The following C15orf62 variants were observed in gnomAD, a reference collection of about 807,000 sequenced individuals.
C15orf62 encodes the protein chromosome 15 open reading frame 62.
A neutral mutation model predicts 13.2 loss-of-function variants in C15orf62; 11 were observed. The ratio of observed to expected loss-of-function variants is 0.83; its 90% CI spans 0.52 to 1.38. The LOEUF is 1.38. Ranked by LOEUF, C15orf62 falls within the 40% of genes most tolerant of loss-of-function variation. The pLI is 0.00. For synonymous variants in C15orf62, 88 were observed against 95.6 expected (o/e 0.92, Z 0.46); for missense variants, 204 against 229.1 (o/e 0.89, Z 0.71).
At position 40,770,733 on chromosome 15, in the gene C15orf62, C is replaced by A; in HGVS notation, c.238C>A (p.Pro80Thr). The change falls in exon 1 of 1, where the codon CCC becomes ACC. Residue 80 changes from proline (P) to threonine (T), a missense_variant. Coordinates refer to ENST00000344320, the MANE Select transcript of C15orf62 (RefSeq NM_001130448.3). This position sits in a 1 kb window ranked among gnomAD's most constrained non-coding sequence, Gnocchi z 5.0. ...EQPRATLLAP[P>T]KPPRLYRESS... is the part of the protein sequence containing the mutation. ...GCCCCGGGCCACCCTGCTGGCCCCA[C>A]CCAAGCCCCCACGCCTCTACCGAGA... is the stretch of plus-strand genomic sequence containing the variant. 1 of 1,545,604 alleles carries A rather than the reference C, an allele frequency of 6.5e-7. No individual in the cohort carries two copies. The highest frequency in any genetic ancestry group is 2.4e-5 in the East Asian group (1 of 40,920).
In C15orf62 at chr15:40,770,451, C is replaced by T. The variant is rs916825958; in HGVS notation, c.-45C>T. 10 of 1,512,272 alleles carry T rather than the reference C, an allele frequency of 6.6e-6. No individual in the cohort carries two copies. Among genetic ancestry groups the T allele is most frequent in the East Asian group, 2.5e-5 (1 of 40,764 alleles). The allele number at this position is 1,512,272 out of a possible 1,614,324, so 93.7% of individuals were successfully genotyped here. ...ACTGCCCCAGCAGGGACCACATGCA[C>T]CCTGGCTGCTCCTGAACACCTGTCT... On this transcript the variant is annotated 5_prime_UTR_variant, in exon 1 of 1. Coordinates refer to ENST00000344320, the MANE Select transcript of C15orf62 (RefSeq NM_001130448.3). This position sits in a 1 kb window ranked among gnomAD's most constrained non-coding sequence, Gnocchi z 5.0.
Position 40,770,330 on chromosome 15 carries a change from C to A in C15orf62, c.-166C>A, listed in dbSNP as rs542934983. 3.4e-5 allele frequency: 23 copies of A among 679,148 alleles called. No homozygotes were observed. The South Asian group carries it at 4.4e-4, about 13-fold the overall frequency. 42.1% of individuals were successfully genotyped at this position (679,148 alleles called of 1,614,324 possible). A position where few individuals can be genotyped will look rare whatever the true frequency, so the allele number is the denominator to read the frequency against. On this transcript the variant is annotated 5_prime_UTR_variant, in exon 1 of 1. Transcript: ENST00000344320. The surrounding 1 kb of genome is among the most constrained non-coding windows in gnomAD (Gnocchi z 5.0). ...GCAAAAAAGTTCCTTCTTCCTGAGC[C>A]CTCCTCTCACCATCCAAGATGTGGT...
chr15:40,772,115 G>A lies in C15orf62; in HGVS notation c.*1092G>A, dbSNP rs1376337597. 1 of 167,032 alleles carries A rather than the reference G, an allele frequency of 6.0e-6. No homozygotes were observed. The highest frequency in any genetic ancestry group is 1.5e-5 in the Non-Finnish European group (1 of 68,140). 10.3% of individuals were successfully genotyped at this position (167,032 alleles called of 1,614,324 possible). The stretch of plus-strand genomic sequence containing the variant: ...ATTCAACAGCGAAGCGGCACAGCTG[G>A]TTTCCAGAACCGTCTCCCGGGATTA... On this transcript the variant is annotated 3_prime_UTR_variant, in exon 1 of 1. Transcript: ENST00000344320.
rs995852064 is a variant in C15orf62, at chr15:40,770,702, C to G, written c.207C>G (p.Asp69Glu). 25 of 1,547,264 alleles carry G rather than the reference C, an allele frequency of 1.6e-5. No homozygotes were observed. The African/African-American group carries it at 3.1e-4, about 19-fold the overall frequency. ...PDGRRLPLWG[D>E]EQPRATLLAP... ...GCCGGCGCCTGCCACTGTGGGGGGA[C>G]GAGCAGCCCCGGGCCACCCTGCTGG... The change falls in exon 1 of 1, where the codon GAC (aspartate) becomes GAG (glutamate). Residue 69 changes from aspartate (D) to glutamate (E), a missense_variant. Coordinates refer to ENST00000344320, the MANE Select transcript of C15orf62 (RefSeq NM_001130448.3). The surrounding 1 kb of genome is among the most constrained non-coding windows in gnomAD (Gnocchi z 5.0).
At position 40,770,529 on chromosome 15, in the gene C15orf62, G is replaced by A. The variant is rs935357066; in HGVS notation, c.34G>A (p.Ala12Thr). The change falls in exon 1 of 1, where the codon GCC becomes ACC. Residue 12 changes from alanine (A) to threonine (T), a missense_variant. Transcript: ENST00000344320. The surrounding 1 kb of genome is among the most constrained non-coding windows in gnomAD (Gnocchi z 5.0). ...CTGGCGGAAAGGCTCCTTCCGCAAC[G>A]CCTCCTTCTTCAAGCAGCTGAGCCT... ...ETWRKGSFRN[A>T]SFFKQLSLGR... 52 of 1,550,328 alleles carry A rather than the reference G, an allele frequency of 3.4e-5. No individual in the cohort carries two copies. Among genetic ancestry groups the A allele is most frequent in the African/African-American group, 9.6e-5 (7 of 73,026 alleles).
Position 40,770,632 on chromosome 15 carries a change from ACAGCAACCGAGAAGT to A in C15orf62, c.140_154del (p.Ser47_Val51del). On this transcript the variant is annotated inframe_deletion, in exon 1 of 1. Transcript: ENST00000344320. The surrounding 1 kb of genome is among the most constrained non-coding windows in gnomAD (Gnocchi z 5.0). ...ACAGCAGGTGGGGACCACGAGGAGT[ACAGCAACCGAGAAGT>A]CATCCGGGAGCTACAAGGGAGGCCA... 3 of 1,550,468 alleles carry A rather than the reference ACAGCAACCGAGAAGT, an allele frequency of 1.9e-6. No individual in the cohort carries two copies. The highest frequency in any genetic ancestry group is 2.6e-6 in the Non-Finnish European group (3 of 1,146,956).
At position 40,771,176 on chromosome 15, in the gene C15orf62, G is replaced by C; in HGVS notation, c.*153G>C. The C allele has an allele frequency of 1.4e-6, 1 of 735,932 alleles. No homozygotes were observed. The highest frequency in any genetic ancestry group is 2.7e-5 in the East Asian group (1 of 37,102). The allele number at this position is 735,932 out of a possible 1,614,324, so 45.6% of individuals were successfully genotyped here. ...GGGAGGATTCCAGGATAGGAATCCA[G>C]GGCTCTGCCTGCTCTCTGGGTCCTG... On this transcript the variant is annotated 3_prime_UTR_variant, in exon 1 of 1. Transcript: ENST00000344320.
Position 40,771,025 on chromosome 15 carries a change from T to A in C15orf62, c.*2T>A. ...TTTCCTAGCGAGCCCAGCTTCTAAA[T>A]GGGGTGAGGGTGGGCAAAGCCGGGG... On this transcript the variant is annotated 3_prime_UTR_variant, in exon 1 of 1. Coordinates refer to ENST00000344320, the MANE Select transcript of C15orf62 (RefSeq NM_001130448.3). 1 of 1,550,144 alleles carries A rather than the reference T, an allele frequency of 6.5e-7. No homozygotes were observed. Among genetic ancestry groups the A allele is most frequent in the Non-Finnish European group, 8.7e-7 (1 of 1,146,632 alleles).
Position 40,771,255 on chromosome 15 carries a change from TG to T in C15orf62, c.*239del, listed in dbSNP as rs1000210800. On this transcript the variant is annotated 3_prime_UTR_variant, in exon 1 of 1. Transcript: ENST00000344320. ...AGGGACAGAGGCAATCTGGAAATGT[TG>T]GGGGGGCGGCCCTTCCTGGCAGGAC... 3.5e-4 allele frequency: 198 copies of T among 563,410 alleles called. No homozygotes were observed. Among genetic ancestry groups the T allele is most frequent in the East Asian group, 1.5e-3 (48 of 32,882 alleles). 34.9% of individuals were successfully genotyped at this position (563,410 alleles called of 1,614,324 possible).
rs997920219 is a variant in C15orf62 at position 40,771,842 on chromosome 15, T to G, written c.*819T>G. 2 of 166,784 alleles carry G rather than the reference T, an allele frequency of 1.2e-5. No individual in the cohort carries two copies. Among genetic ancestry groups the G allele is most frequent in the African/African-American group, 4.8e-5 (2 of 41,284 alleles). The allele number at this position is 166,784 out of a possible 1,614,324, so 10.3% of individuals were successfully genotyped here. A position where few individuals can be genotyped will look rare whatever the true frequency, so the allele number is the denominator to read the frequency against. Reference sequence around the variant, plus strand: ...GGCTGGCCACATAGGAAGAGATAGGTAGAGATAGAGTATAACTCAGGAAAA... The same window carrying G: ...GGCTGGCCACATAGGAAGAGATAGGGAGAGATAGAGTATAACTCAGGAAAA... On this transcript the variant is annotated 3_prime_UTR_variant, in exon 1 of 1. Coordinates refer to ENST00000344320, the MANE Select transcript of C15orf62 (RefSeq NM_001130448.3).
At position 40,770,379 on chromosome 15, in the gene C15orf62, C is replaced by A. The variant is rs532860359; in HGVS notation, c.-117C>A. The A allele has an allele frequency of 4.0e-6, 4 of 1,002,312 alleles. No individual in the cohort carries two copies. The highest frequency in any genetic ancestry group is 1.6e-5 in the African/African-American group (1 of 61,316). The allele number at this position is 1,002,312 out of a possible 1,614,324, so 62.1% of individuals were successfully genotyped here. A position where few individuals can be genotyped will look rare whatever the true frequency, so the allele number is the denominator to read the frequency against. On this transcript the variant is annotated 5_prime_UTR_variant, in exon 1 of 1. Transcript: ENST00000344320. This position sits in a 1 kb window ranked among gnomAD's most constrained non-coding sequence, Gnocchi z 5.0. ...GTCAAAGGTCTGTGCTGAGTGGAAA[C>A]CCTGAGGCCTCTGCTCCTAGGGGAG...
rs781217315 is a variant in C15orf62 at position 40,770,574 on chromosome 15, C to A, written c.79C>A (p.Arg27=). ...GAGCCTGGGGCGGCCACGGCGGCTC[C>A]GGCGACAGAGTAGTGTGCTTAGCCA... The part of the protein sequence containing the change: ...QLSLGRPRRL[R]RQSSVLSQAS... Residue 27 remains arginine (R), a synonymous_variant, in exon 1 of 1, where the codon CGG becomes AGG. Coordinates refer to ENST00000344320, the MANE Select transcript of C15orf62 (RefSeq NM_001130448.3). The surrounding 1 kb of genome is among the most constrained non-coding windows in gnomAD (Gnocchi z 5.0). 6.4e-7 allele frequency: 1 copy of A among 1,550,638 alleles called. No individual in the cohort carries two copies. The highest frequency in any genetic ancestry group is 8.7e-7 in the Non-Finnish European group (1 of 1,146,970).
At position 40,770,780 on chromosome 15, in the gene C15orf62, C is replaced by T; in HGVS notation, c.285C>T (p.Ile95=). The change falls in exon 1 of 1, where the codon ATC becomes ATT. Residue 95 remains isoleucine (I), a synonymous_variant. Coordinates refer to ENST00000344320, the MANE Select transcript of C15orf62 (RefSeq NM_001130448.3). The surrounding 1 kb of genome is among the most constrained non-coding windows in gnomAD (Gnocchi z 5.0). ...LYRESSSCPN[I]LEPPPAYTAA... ...GAGAGAGCTCAAGCTGCCCCAACATCCTGGAGCCCCCACCTGCCTACACAG... is the reference window on the plus strand; with the variant it reads ...GAGAGAGCTCAAGCTGCCCCAACATTCTGGAGCCCCCACCTGCCTACACAG... 2.6e-6 allele frequency: 4 copies of T among 1,547,716 alleles called. No homozygotes were observed. Among genetic ancestry groups the T allele is most frequent in the Non-Finnish European group, 3.5e-6 (4 of 1,146,952 alleles).
rs777934673 is a variant in C15orf62 at position 40,770,889 on chromosome 15, C to T, written c.394C>T (p.Pro132Ser). 5.2e-6 allele frequency: 8 copies of T among 1,551,562 alleles called. No individual in the cohort carries two copies. In the South Asian group the frequency reaches 8.3e-5, roughly 16 times the overall value. Residue 132 changes from proline to serine, a missense_variant, in exon 1 of 1, where the codon CCC becomes TCC. Transcript: ENST00000344320. This position sits in a 1 kb window ranked among gnomAD's most constrained non-coding sequence, Gnocchi z 5.0. ...CTCAGAGAAGGGCCTTGTGGACACT[C>T]CCTGCTTCCAGAGGACACCTACCCC... ...QHSEKGLVDT[P>S]CFQRTPTPDL...
chr15:40,771,803 G>A lies in C15orf62; in HGVS notation c.*780G>A, dbSNP rs887919181. ...ATGGCCTGGAGCCACCAGCAAAGGG[G>A]AGGCGCATACAGGGGCTGGCCACAT... On this transcript the variant is annotated 3_prime_UTR_variant, in exon 1 of 1. Coordinates refer to ENST00000344320, the MANE Select transcript of C15orf62 (RefSeq NM_001130448.3). 1.2e-5 allele frequency: 2 copies of A among 167,220 alleles called. No homozygotes were observed. Among genetic ancestry groups the A allele is most frequent in the Non-Finnish European group, 1.5e-5 (1 of 68,304 alleles). The allele number at this position is 167,220 out of a possible 1,614,324, so 10.4% of individuals were successfully genotyped here.
At position 40,770,458 on chromosome 15, in the gene C15orf62, T is replaced by A; in HGVS notation, c.-38T>A. The A allele has an allele frequency of 1.3e-6, 2 of 1,519,578 alleles. No individual in the cohort carries two copies. The highest frequency in any genetic ancestry group is 1.8e-6 in the Non-Finnish European group (2 of 1,133,108). 94.1% of individuals were successfully genotyped at this position (1,519,578 alleles called of 1,614,324 possible). ...CAGCAGGGACCACATGCACCCTGGCTGCTCCTGAACACCTGTCTGCTGGCT... is the reference window on the plus strand; with the variant it reads ...CAGCAGGGACCACATGCACCCTGGCAGCTCCTGAACACCTGTCTGCTGGCT... On this transcript the variant is annotated 5_prime_UTR_variant, in exon 1 of 1. Coordinates refer to ENST00000344320, the MANE Select transcript of C15orf62 (RefSeq NM_001130448.3). This position sits in a 1 kb window ranked among gnomAD's most constrained non-coding sequence, Gnocchi z 5.0.
chr15:40,770,911 C>T lies in C15orf62; in HGVS notation c.416C>T (p.Thr139Ile). The T allele has an allele frequency of 6.4e-7, 1 of 1,551,548 alleles. No homozygotes were observed. Among genetic ancestry groups the T allele is most frequent in the Non-Finnish European group, 8.7e-7 (1 of 1,147,000 alleles). Residue 139 changes from threonine (T) to isoleucine (I), a missense_variant, in exon 1 of 1, where the codon ACC becomes ATC. Physicochemically the swap from Thr to Ile is moderately conservative, Grantham distance 89. Coordinates refer to ENST00000344320, the MANE Select transcript of C15orf62 (RefSeq NM_001130448.3). This position sits in a 1 kb window ranked among gnomAD's most constrained non-coding sequence, Gnocchi z 5.0. ...ACTCCCTGCTTCCAGAGGACACCTA[C>T]CCCAGACCTCAGTGATCCCTTCCTC... ...VDTPCFQRTP[T>I]PDLSDPFLSF...
rs1461985830 is a variant in C15orf62 at position 40,771,305 on chromosome 15, G to C, written c.*282G>C. 2 of 452,836 alleles carry C rather than the reference G, an allele frequency of 4.4e-6. No individual in the cohort carries two copies. The highest frequency in any genetic ancestry group is 3.9e-5 in the Admixed American group (1 of 25,598). The allele number at this position is 452,836 out of a possible 1,614,324, so 28.1% of individuals were successfully genotyped here. A position where few individuals can be genotyped will look rare whatever the true frequency, so the allele number is the denominator to read the frequency against. On this transcript the variant is annotated 3_prime_UTR_variant, in exon 1 of 1. Coordinates refer to ENST00000344320, the MANE Select transcript of C15orf62 (RefSeq NM_001130448.3). ...ACCCTGAAGAAAGCTGGCTATGCCG[G>C]GAAAGGGAGGCTGTGCCGGGAAAGG...
At position 40,770,316 on chromosome 15, in the gene C15orf62, C is replaced by A; in HGVS notation, c.-180C>A. On this transcript the variant is annotated 5_prime_UTR_variant, in exon 1 of 1. Transcript: ENST00000344320. The surrounding 1 kb of genome is among the most constrained non-coding windows in gnomAD (Gnocchi z 5.0). ...GTCTGCTCTCCTGGGCAAAAAAGTT[C>A]CTTCTTCCTGAGCCCTCCTCTCACC... The A allele has an allele frequency of 1.6e-6, 1 of 635,316 alleles. No homozygotes were observed. Among genetic ancestry groups the A allele is most frequent in the Non-Finnish European group, 2.7e-6 (1 of 374,962 alleles). The allele number at this position is 635,316 out of a possible 1,614,324, so 39.4% of individuals were successfully genotyped here.
Sources: gnomAD v4.1 joint callset for allele counts on GRCh38, gnomAD v4.1.1 for gene constraint, Gnocchi (gnomAD v3.1) non-coding constraint, MANE v1.5 for transcripts, NCBI Gene and HGNC (gene_info 2026-07-23, HGNC 2026-07-21) for gene names.